The following SPATC1 variants were observed in gnomAD, a reference collection of about 807,000 sequenced individuals.
The protein encoded by SPATC1 is speriolin.
SPATC1 carries 35 observed loss-of-function variants against 36.5 expected under a neutral mutation model. The ratio of observed to expected loss-of-function variants is 0.96; its 90% CI spans 0.73 to 1.27. The LOEUF is 1.27. Ranked by LOEUF, SPATC1 falls within the 50% of genes most tolerant of loss-of-function variation. SPATC1 has a pLI of 0.00. For synonymous variants in SPATC1, 361 were observed against 353.6 expected (o/e 1.02, Z -0.24); for missense variants, 779 against 796.0 (o/e 0.98, Z 0.26).
chr8:144,027,966 C>T (rs954812583), intron 1 of SPATC1, among the ~76,000 whole-genome samples: 39 of 152,092 alleles, frequency 2.6e-4, no homozygotes, highest in East Asian at 5.8e-4. Flanking sequence ...GCACTCCAGC[C>T]TGGGTGACAG....
intron 1 of SPATC1, 80 bp from the exon 2 acceptor site, chr8:144,039,829 C>T: frequency 6.9e-7 from 1 of 1,449,270 alleles, no homozygotes; most frequent in Non-Finnish European, 9.5e-7. Flanking sequence ...GGCCCTACCA[C>T]AGTGACAGAG....
chr8:144,037,194 G>A (rs1380839278), intron 1 of SPATC1, among the ~76,000 whole-genome samples: 6 of 142,522 alleles, frequency 4.2e-5, no homozygotes, highest in Non-Finnish European at 9.2e-5. Context: ...GGAGGGAGGT[G>A]GGGGGGTCAG....
At position 144,040,967 on chromosome 8, in the gene SPATC1, C is replaced by G. The variant is rs1554755888; in HGVS notation, c.1166C>G (p.Pro389Arg). Residue 389 changes from proline to arginine, a missense_variant, in exon 3 of 5, where the codon CCA becomes CGA. By Grantham distance (103) the Pro-to-Arg change is moderately radical (BLOSUM62 -2). Coordinates refer to ENST00000377470, the MANE Select transcript of SPATC1 (RefSeq NM_198572.3). ...TGTCCTCCACACAACGCCCACTCCC[C>G]ACCTCGTACCTCATCCTCCCCGGCT... ...PHCPPHNAHS[P>R]PRTSSSPASV... The G allele has an allele frequency of 6.2e-7, 1 of 1,612,028 alleles. No individual in the cohort carries two copies. Among genetic ancestry groups the G allele is most frequent in the Non-Finnish European group, 8.5e-7 (1 of 1,179,648 alleles).
rs782513136 is a variant in SPATC1 at position 144,040,135 on chromosome 8, G to A, written c.438G>A (p.Ala146=). The change falls in exon 2 of 5, where the codon GCG becomes GCA. Residue 146 remains alanine, a synonymous_variant. Coordinates refer to ENST00000377470, the MANE Select transcript of SPATC1 (RefSeq NM_198572.3). ...PLTSFLTSPI[A]GPLTGTLASS... ...CCAGCTTCCTGACCAGTCCCATTGCGGGACCCCTAACAGGCACACTGGCCA... is the reference window on the plus strand; with the variant it reads ...CCAGCTTCCTGACCAGTCCCATTGCAGGACCCCTAACAGGCACACTGGCCA... 49 of 1,609,200 alleles carry A rather than the reference G, an allele frequency of 3.0e-5. No individual in the cohort carries two copies. The highest frequency in any genetic ancestry group is 1.6e-4 in the Middle Eastern group (1 of 6,080).
In SPATC1 at chr8:144,046,037, T is replaced by C. The variant is rs1269518097; in HGVS notation, c.1447-590T>C. Among the ~76,000 whole-genome samples the C allele has an allele frequency of 1.3e-5, 2 of 152,062 alleles. No individual in the cohort carries two copies. Among genetic ancestry groups the C allele is most frequent in the Non-Finnish European group, 2.9e-5 (2 of 67,974 alleles). Reference sequence around the variant, plus strand: ...GGCCCCAGGCCCAGGAGGACGCAGATGGAGACAGGCCCCTCAGCGCTGGGG... The same window carrying C: ...GGCCCCAGGCCCAGGAGGACGCAGACGGAGACAGGCCCCTCAGCGCTGGGG... On this transcript the variant is annotated intron_variant, in intron 4 of 4. Coordinates refer to ENST00000377470, the MANE Select transcript of SPATC1 (RefSeq NM_198572.3). The surrounding 1 kb of genome is among the most constrained non-coding windows in gnomAD (Gnocchi z 6.6).
At chr8:144,013,336 G>T (rs79087089) in intron 1 of SPATC1, among the ~76,000 whole-genome samples, 4 of 152,058 alleles carry the variant, frequency 2.6e-5, no homozygotes. Flanking sequence ...TACCCACAGC[G>T]CAGCTTCAAC....
At chr8:144,015,382 T>C (rs1267941628) in intron 1 of SPATC1, among the ~76,000 whole-genome samples, 1 of 151,298 alleles carries the variant, frequency 6.6e-6, no homozygotes. Context: ...GAAAATTAAA[T>C]GTAATTTTTA....
intron 1 of SPATC1, among the ~76,000 whole-genome samples, chr8:144,031,723 C>CTTTTTTTTTTTTTTTTT (rs1240016643): frequency 7.7e-6 from 1 of 129,038 alleles, no homozygotes. Flanking sequence ...TTCTTTCTTT[C>CTTTTTTTTTTTTTTTTT]TTTTTTTTTT....
chr8:144,024,821 T>TG (rs1834641525), intron 1 of SPATC1, among the ~76,000 whole-genome samples: 1 of 150,564 alleles, frequency 6.6e-6, no homozygotes, highest in South Asian at 2.1e-4. Flanking sequence ...GAGGACCCTC[T>TG]TCCCTCAGGA....
chr8:144,028,405 C>T (rs973992306), intron 1 of SPATC1, among the ~76,000 whole-genome samples: 86 of 151,582 alleles, frequency 5.7e-4, no homozygotes, highest in Admixed American at 2.0e-3. Flanking sequence ...CATGAACAGG[C>T]GCTTCTCAAA....
chr8:144,023,236 T>C (rs1339382832), intron 1 of SPATC1, among the ~76,000 whole-genome samples: 78 of 51,468 alleles, frequency 1.5e-3, no homozygotes, highest in East Asian at 2.6e-3. Flanking sequence ...CCTACCCTCT[T>C]CCCTCAGGAC....
intron 1 of SPATC1, among the ~76,000 whole-genome samples, chr8:144,032,131 C>T (rs1168434485): frequency 6.6e-6 from 1 of 152,158 alleles, no homozygotes; most frequent in East Asian, 1.9e-4. Context: ...CCAGAGGTCT[C>T]TTAGGCTTTA....
chr8:144,041,510 A>C, intron 4 of SPATC1, 139 bp downstream of exon 4: 1 of 1,131,150 alleles, frequency 8.8e-7, no homozygotes, highest in Non-Finnish European at 1.2e-6. Context: ...CTCAGTGCCA[A>C]CGGCCTGCAG....
At chr8:144,026,883 C>T (rs1834690276) in intron 1 of SPATC1, among the ~76,000 whole-genome samples, 1 of 147,644 alleles carries the variant, frequency 6.8e-6, no homozygotes, top group Admixed American at 6.8e-5. Context: ...GATCTTGGCT[C>T]ACTGCAAGCT....
chr8:144,026,991 T>C (rs1834694539), intron 1 of SPATC1, among the ~76,000 whole-genome samples: 4 of 144,456 alleles, frequency 2.8e-5, no homozygotes, highest in East Asian at 2.0e-4. Context: ...TTTTTTCTTT[T>C]TTTTTTTTTT....
intron 4 of SPATC1, 58 bp downstream of exon 4, chr8:144,041,429 G>T (rs566410761): frequency 2.5e-6 from 4 of 1,584,024 alleles, no homozygotes; most frequent in African/African-American, 1.3e-5. Flanking sequence ...AGGGGCCGTG[G>T]GGACCCTGCA....
At chr8:144,041,506 G>A in intron 4 of SPATC1, 135 bp downstream of exon 4, 1 of 1,156,028 alleles carries the variant, frequency 8.7e-7, no homozygotes, top group Non-Finnish European at 1.2e-6. Context: ...ACTGCTCAGT[G>A]CCAACGGCCT....
In SPATC1 at chr8:144,044,658, A is replaced by T. The variant is rs1415412852; in HGVS notation, c.1447-1969A>T. 5.3e-5 allele frequency among the ~76,000 whole-genome samples: 8 copies of T among 151,228 alleles called. No individual in the cohort carries two copies. The East Asian group carries it at 1.6e-3, about 30-fold the overall frequency. On this transcript the variant is annotated intron_variant, in intron 4 of 4. Coordinates refer to ENST00000377470, the MANE Select transcript of SPATC1 (RefSeq NM_198572.3). ...GTGATATTTGTAAGACACAACTGACACACCTCAGCCAGGCATGGTGGCTCA... is the reference window on the plus strand; with the variant it reads ...GTGATATTTGTAAGACACAACTGACTCACCTCAGCCAGGCATGGTGGCTCA...
At position 144,040,793 on chromosome 8, in the gene SPATC1, CGG is replaced by C; in HGVS notation, c.993_994del (p.Val332HisfsTer38). 1.3e-6 allele frequency: 2 copies of C among 1,515,366 alleles called. No homozygotes were observed. Among genetic ancestry groups the C allele is most frequent in the South Asian group, 1.4e-5 (1 of 74,044 alleles). 93.9% of individuals were successfully genotyped at this position (1,515,366 alleles called of 1,614,324 possible). ...CCCACCTCCCCCACCACCTCCCCCA[CGG>C]TCACCGTCCTTGCCTCTGCCCCCGC... is the stretch of plus-strand genomic sequence containing the variant. On this transcript the variant is annotated frameshift_variant, in exon 3 of 5. Coordinates refer to ENST00000377470, the MANE Select transcript of SPATC1 (RefSeq NM_198572.3). LOFTEE classifies it high-confidence loss of function.
Sources: gnomAD v4.1 joint callset for allele counts (sites outside exome capture counted in the v4.1 genomes callset) on GRCh38, gnomAD v4.1.1 for gene constraint, Gnocchi (gnomAD v3.1) non-coding constraint, MANE v1.5 for transcripts, NCBI Gene and HGNC (gene_info 2026-07-23, HGNC 2026-07-21) for gene names.